Variants in SMAD9 observed in about 807,000 individuals in gnomAD.
The protein encoded by SMAD9 is SMAD family member 9, also known as MAD homolog 9.
Under a neutral mutation model 46.1 loss-of-function variants are expected in SMAD9, and 36 were observed. The observed-to-expected ratio is 0.78, with a 90% CI of 0.60 to 1.03. The LOEUF is 1.03. Among genes scored for constraint, SMAD9 ranks in the 50% least tolerant of loss-of-function variants. The pLI, the probability that SMAD9 is intolerant of heterozygous loss-of-function variation, is 0.00. For missense variants in SMAD9, 572 were observed against 599.8 expected, an observed-to-expected ratio of 0.95 and a Z score of 0.48; for synonymous variants, 245 against 237.1, an observed-to-expected ratio of 1.03 and a Z score of -0.31.
chr13:36,897,184 T>C (rs904134597), intron 1 of SMAD9, among the ~76,000 whole-genome samples: 1 of 152,212 alleles, frequency 6.6e-6, no homozygotes, highest in Non-Finnish European at 1.5e-5. Context: ...CAAACTTCTA[T>C]AATCAGGTTA....
At chr13:36,857,963 G>A (rs1343490428) in intron 5 of SMAD9, among the ~76,000 whole-genome samples, 2 of 152,102 alleles carry the variant, frequency 1.3e-5, no homozygotes, top group East Asian at 3.9e-4. Context: ...ATTTCTGAGT[G>A]TAATAATGGT....
intron 1 of SMAD9, among the ~76,000 whole-genome samples, chr13:36,903,267 C>T (rs1262531718): frequency 3.3e-5 from 5 of 151,814 alleles, no homozygotes; most frequent in African/African-American, 9.7e-5. Context: ...GCTGGGATTA[C>T]GGGCACGCGC....
In SMAD9 at chr13:36,909,043, T is replaced by C. The variant is rs534652895; in HGVS notation, c.-187+11073A>G. ...ATTTACTTACATCCCTAAAATACAGTTCTCTTGGCCACTCGTACAGTTTTT... is the reference window on the plus strand; with the variant it reads ...ATTTACTTACATCCCTAAAATACAGCTCTCTTGGCCACTCGTACAGTTTTT... On this transcript the variant is annotated intron_variant, in intron 1 of 6. Transcript: ENST00000379826. Among the ~76,000 whole-genome samples, 7 of 152,342 alleles carry C rather than the reference T, an allele frequency of 4.6e-5. No individual in the cohort carries two copies. In the South Asian group the frequency reaches 1.4e-3, roughly 32 times the overall value.
intron 1 of SMAD9, among the ~76,000 whole-genome samples, chr13:36,903,614 A>T (rs2058595851): frequency 6.6e-6 from 1 of 152,234 alleles, no homozygotes. Flanking sequence ...GTTTTCTTTG[A>T]ACTGAGAGAG....
chr13:36,862,241 C>T (rs1445482618), intron 5 of SMAD9, among the ~76,000 whole-genome samples: 1 of 152,022 alleles, frequency 6.6e-6, no homozygotes, highest in East Asian at 1.9e-4. Flanking sequence ...GGGCTGCATT[C>T]CCAGGATGCT....
intron 1 of SMAD9, among the ~76,000 whole-genome samples, chr13:36,910,991 C>G (rs1422044386): frequency 6.6e-6 from 1 of 152,026 alleles, no homozygotes; most frequent in Non-Finnish European, 1.5e-5. Context: ...ATACCATTAA[C>G]TATTGTATTA....
At chr13:36,853,812 C>A in intron 5 of SMAD9, 137 bp from the exon 6 acceptor site, 1 of 842,408 alleles carries the variant, frequency 1.2e-6, no homozygotes, top group East Asian at 2.5e-5. Flanking sequence ...GATGTGTGAC[C>A]TAAATGCCGC....
chr13:36,879,983 T>C (rs1252173362), intron 1 of SMAD9, 108 bp from the exon 2 acceptor site: 2 of 433,806 alleles, frequency 4.6e-6, no homozygotes, highest in African/African-American at 4.0e-5. Flanking sequence ...GCTACTCAAG[T>C]GGGTGAATGG....
intron 2 of SMAD9, among the ~76,000 whole-genome samples, chr13:36,876,590 T>C (rs1441604807): frequency 6.6e-6 from 1 of 152,192 alleles, no homozygotes; most frequent in African/African-American, 2.4e-5. Flanking sequence ...TAGTAATTTG[T>C]CTGTACTATA....
chr13:36,855,271 A>AAAAAG (rs1566013770), intron 5 of SMAD9, among the ~76,000 whole-genome samples: 1 of 151,484 alleles, frequency 6.6e-6, no homozygotes, highest in Non-Finnish European at 1.5e-5. Context: ...AAAAAAAAAA[A>AAAAAG]AAAAGAAAAG....
At chr13:36,848,897 G>A (rs2058053456) in intron 6 of SMAD9, 78 bp from the exon 7 acceptor site, 1 of 1,454,018 alleles carries the variant, frequency 6.9e-7, no homozygotes, top group African/African-American at 1.4e-5. Context: ...AGCTCAGCGG[G>A]GCACAGAGCC....
intron 1 of SMAD9, among the ~76,000 whole-genome samples, chr13:36,913,877 A>AC (rs2058679337): frequency 5.3e-5 from 8 of 152,252 alleles, no homozygotes; most frequent in Admixed American, 5.2e-4. Flanking sequence ...CACATTCATT[A>AC]CCACCATTCT....
chr13:36,852,740 T>A (rs1165066760), intron 6 of SMAD9, among the ~76,000 whole-genome samples: 1 of 152,208 alleles, frequency 6.6e-6, no homozygotes, highest in Non-Finnish European at 1.5e-5. Context: ...AAGGAGAGTA[T>A]CTTACTGAAT....
Position 36,855,091 on chromosome 13 carries a change from C to A in SMAD9, c.1004-1416G>T, listed in dbSNP as rs532774968. The stretch of plus-strand genomic sequence containing the variant: ...GATCAGGAGCTCAAGTCTGGCCTGG[C>A]CAACATGGTGAAACCCTGTCTCTAC... On this transcript the variant is annotated intron_variant, in intron 5 of 6. Coordinates refer to ENST00000379826, the MANE Select transcript of SMAD9 (RefSeq NM_001127217.3). Among the ~76,000 whole-genome samples, 28 of 151,850 alleles carry A rather than the reference C, an allele frequency of 1.8e-4. 2 individuals carry two copies. The highest frequency in any genetic ancestry group is 1.8e-3 in the Admixed American group (28 of 15,236).
At chr13:36,854,863 C>A (rs2058108305) in intron 5 of SMAD9, among the ~76,000 whole-genome samples, 1 of 152,148 alleles carries the variant, frequency 6.6e-6, no homozygotes, top group Non-Finnish European at 1.5e-5. Context: ...TAATATAAAT[C>A]ATATAAATAA....
At chr13:36,894,358 CTT>C (rs375589894) in intron 1 of SMAD9, among the ~76,000 whole-genome samples, 43 of 152,284 alleles carry the variant, frequency 2.8e-4, no homozygotes, top group South Asian at 2.5e-3. Flanking sequence ...CTCATTCTCT[CTT>C]GTCTGCCGCC....
intron 1 of SMAD9, among the ~76,000 whole-genome samples, chr13:36,895,577 C>T (rs922350462): frequency 5.3e-5 from 8 of 152,146 alleles, no homozygotes; most frequent in Non-Finnish European, 1.2e-4. Flanking sequence ...TAGCATAAAT[C>T]CTGATTCTGC....
chr13:36,919,340 C>T (rs960168712), intron 1 of SMAD9, among the ~76,000 whole-genome samples: 2 of 152,164 alleles, frequency 1.3e-5, no homozygotes, highest in African/African-American at 4.8e-5. Flanking sequence ...TGCTTCCCAC[C>T]TCGCCCCCTC....
intron 1 of SMAD9, among the ~76,000 whole-genome samples, chr13:36,919,035 A>G (rs1480658063): frequency 6.6e-6 from 1 of 152,202 alleles, no homozygotes; most frequent in African/African-American, 2.4e-5. Flanking sequence ...AGCACTCCAC[A>G]GTGCCCTGTG....
Sources: gnomAD v4.1 joint callset for allele counts (sites outside exome capture counted in the v4.1 genomes callset) on GRCh38, gnomAD v4.1.1 for gene constraint, MANE v1.5 for transcripts, NCBI Gene and HGNC (gene_info 2026-07-23, HGNC 2026-07-21) for gene names.